FHOD3: variants seen among roughly 807,000 people sequenced by gnomAD.
FHOD3 encodes the protein formin homology 2 domain containing 3.
Under a neutral mutation model 173.0 loss-of-function variants are expected in FHOD3, and 90 were observed. The observed-to-expected ratio is 0.52, with a 90% CI of 0.44 to 0.62. FHOD3 has a LOEUF of 0.62. FHOD3 is among the 20% of genes least tolerant of loss of function. The pLI, the probability that FHOD3 is intolerant of heterozygous loss-of-function variation, is 0.00. For missense variants in FHOD3, 1,945 were observed against 2,034.7 expected, an observed-to-expected ratio of 0.96 and a Z score of 0.85; for synonymous variants, 828 against 823.0, an observed-to-expected ratio of 1.01 and a Z score of -0.10.
At chr18:36,306,872 A>T (rs1242699347) in intron 1 of FHOD3, among the ~76,000 whole-genome samples, 4 of 152,190 alleles carry the variant, frequency 2.6e-5, no homozygotes. Flanking sequence ...CCTTGTGTAA[A>T]GCCTCTGCTA....
intron 26 of FHOD3, 81 bp downstream of exon 26, chr18:36,759,222 G>C: frequency 7.0e-7 from 1 of 1,420,780 alleles, no homozygotes; most frequent in Non-Finnish European, 9.6e-7. Flanking sequence ...TAATCAGCAT[G>C]AAGTGTCAGC....
chr18:36,297,952 C>T lies in FHOD3; in HGVS notation c.117C>T (p.Leu39=), dbSNP rs547467990. The change falls in exon 1 of 29, where the codon CTC becomes CTT. Residue 39 remains leucine, a synonymous_variant. Transcript: ENST00000590592. The part of the protein sequence containing the change: ...PLFTFREDLA[L]GTQLAGVHRL... ...TCACGTTCCGCGAGGACCTCGCGCT[C>T]GGCACCCAGCTGGCGGGGGTCCATA... 3.2e-6 allele frequency: 5 copies of T among 1,565,900 alleles called. No homozygotes were observed. The highest frequency in any genetic ancestry group is 4.8e-5 in the East Asian group (2 of 41,326).
intron 1 of FHOD3, among the ~76,000 whole-genome samples, chr18:36,317,978 T>C (rs1250720201): frequency 1.3e-5 from 2 of 152,224 alleles, no homozygotes; most frequent in Non-Finnish European, 2.9e-5. Flanking sequence ...ATTTATTAAA[T>C]AGAGAATCCT....
At chr18:36,360,238 A>G (rs1291747721) in intron 2 of FHOD3, among the ~76,000 whole-genome samples, 1 of 152,190 alleles carries the variant, frequency 6.6e-6, no homozygotes, top group Non-Finnish European at 1.5e-5. Flanking sequence ...CCAAGAGTGG[A>G]CCTGAGAACC....
intron 2 of FHOD3, among the ~76,000 whole-genome samples, chr18:36,358,400 C>A (rs564457040): frequency 1.3e-5 from 2 of 152,348 alleles, no homozygotes; most frequent in South Asian, 4.1e-4. Flanking sequence ...TCCTCCACAG[C>A]TGTTCCCAAA....
At chr18:36,726,695 G>GA (rs1379079465) in intron 19 of FHOD3, among the ~76,000 whole-genome samples, 4 of 151,318 alleles carry the variant, frequency 2.6e-5, no homozygotes, top group Non-Finnish European at 5.9e-5. Context: ...TTTTTTTTGA[G>GA]ATGGAGTCTC....
At chr18:36,709,463 G>T in intron 18 of FHOD3, 72 bp downstream of exon 18, 1 of 1,500,028 alleles carries the variant, frequency 6.7e-7, no homozygotes, top group Non-Finnish European at 9.0e-7. Flanking sequence ...TTCTCTAAGA[G>T]CTTGTCCACA....
At chr18:36,362,322 A>C (rs1319602198) in intron 2 of FHOD3, among the ~76,000 whole-genome samples, 1 of 152,214 alleles carries the variant, frequency 6.6e-6, no homozygotes, top group Non-Finnish European at 1.5e-5. Flanking sequence ...ATCTGGAGCC[A>C]TGGTGCCAGC....
chr18:36,337,339 G>A (rs1014094999), intron 1 of FHOD3, among the ~76,000 whole-genome samples: 9 of 152,116 alleles, frequency 5.9e-5, no homozygotes, highest in Non-Finnish European at 1.3e-4. Context: ...ACCAGACCTG[G>A]TCACAGTGAT....
At chr18:36,732,188 C>A (rs545487371) in intron 20 of FHOD3, among the ~76,000 whole-genome samples, 18 of 152,296 alleles carry the variant, frequency 1.2e-4, no homozygotes, top group African/African-American at 4.3e-4. Context: ...TGGACAACCA[C>A]CAGCACTGGG....
chr18:36,485,602 G>A (rs1008622708), intron 3 of FHOD3, among the ~76,000 whole-genome samples: 8 of 152,168 alleles, frequency 5.3e-5, no homozygotes, highest in East Asian at 1.9e-4. Context: ...TGAGAAGAGC[G>A]CCCTTGGTGT....
At chr18:36,639,719 A>C in intron 10 of FHOD3, among the ~76,000 whole-genome samples, 1 of 150,132 alleles carries the variant, frequency 6.7e-6, no homozygotes, top group East Asian at 2.0e-4. Flanking sequence ...GCTACTCGGG[A>C]GGCTGAGGCA....
At chr18:36,368,900 C>G (rs995269066) in intron 2 of FHOD3, among the ~76,000 whole-genome samples, 2 of 152,120 alleles carry the variant, frequency 1.3e-5, no homozygotes, top group African/African-American at 4.8e-5. Context: ...CAATCACCCC[C>G]CACCAGGTCC....
intron 19 of FHOD3, among the ~76,000 whole-genome samples, chr18:36,721,490 C>G (rs1252371096): frequency 1.3e-5 from 2 of 152,054 alleles, no homozygotes; most frequent in Non-Finnish European, 2.9e-5. Flanking sequence ...AATGTACACA[C>G]ACGCACACAG....
intron 16 of FHOD3, among the ~76,000 whole-genome samples, chr18:36,688,223 T>C (rs533444138): frequency 6.6e-6 from 1 of 152,296 alleles, no homozygotes; most frequent in African/African-American, 2.4e-5. Context: ...TACCACCAGG[T>C]GGGGTGACTG....
intron 5 of FHOD3, among the ~76,000 whole-genome samples, chr18:36,563,958 C>T (rs749437451): frequency 2.0e-5 from 3 of 152,080 alleles, no homozygotes; most frequent in Non-Finnish European, 4.4e-5. Context: ...GTCTCTGTCA[C>T]CTGGTAAGCA....
chr18:36,720,769 CTCCTCCTCCTCT>C (rs199549868), intron 19 of FHOD3, among the ~76,000 whole-genome samples: 71,477 of 145,926 alleles, frequency 0.49, 17,441 homozygotes, highest in South Asian at 0.58. Flanking sequence ...GCTCCTTCTC[CTCCTCCTCCTCT>C]TCCTCCTCCT....
intron 3 of FHOD3, among the ~76,000 whole-genome samples, chr18:36,479,455 G>A (rs1243623398): frequency 6.6e-6 from 1 of 152,170 alleles, no homozygotes; most frequent in Non-Finnish European, 1.5e-5. Flanking sequence ...TATTAAGTGT[G>A]TAGCCATCTA....
At chr18:36,679,585 G>C (rs930358139) in intron 14 of FHOD3, among the ~76,000 whole-genome samples, 11 of 151,392 alleles carry the variant, frequency 7.3e-5, no homozygotes, top group African/African-American at 2.4e-4. Context: ...TTCATATTCA[G>C]CTTTTTCATT....
Sources: allele counts gnomAD v4.1 joint callset (sites outside exome capture counted in the v4.1 genomes callset), GRCh38; gene constraint gnomAD v4.1.1; transcripts MANE v1.5; gene names NCBI Gene and HGNC (gene_info 2026-07-23, HGNC 2026-07-21).